ABCA1: variants seen among roughly 807,000 people sequenced by gnomAD.
ABCA1 encodes phospholipid-transporting ATPase ABCA1.
Under a neutral mutation model 262.5 loss-of-function variants are expected in ABCA1, and 133 were observed. The ratio of observed to expected loss-of-function variants is 0.51; its 90% confidence interval spans 0.44 to 0.59. The LOEUF (loss-of-function observed/expected upper bound fraction) is 0.59, where lower values mean the gene tolerates loss of function less well. Ranked by LOEUF, ABCA1 falls within the 20% of genes least tolerant of loss-of-function variation. The probability of loss-of-function intolerance (pLI) is 0.00; values close to 1 mark genes in which losing one functional copy is unlikely to be tolerated. For synonymous variants in ABCA1, 1,022 were observed against 1,043.5 expected (o/e 0.98, Z 0.40); for missense variants, 2,452 against 2,777.5 (o/e 0.88, Z 2.63).
At chr9:104,808,627 C>T (rs1418394449) in intron 30 of ABCA1, among the ~76,000 whole-genome samples, 1 of 152,190 alleles carries the variant, frequency 6.6e-6, no homozygotes, top group Non-Finnish European at 1.5e-5. Context: ...GAAATCTGCT[C>T]TAGAACCTTG....
At chr9:104,893,086 T>A (rs1588527792) in intron 2 of ABCA1, among the ~76,000 whole-genome samples, 1 of 152,268 alleles carries the variant, frequency 6.6e-6, no homozygotes, top group East Asian at 1.9e-4. Flanking sequence ...AAGACAGGAA[T>A]ACAACTTTCC....
At chr9:104,808,450 C>T (rs542872155) in intron 30 of ABCA1, among the ~76,000 whole-genome samples, 24 of 152,308 alleles carry the variant, frequency 1.6e-4, no homozygotes, top group African/African-American at 5.5e-4. Flanking sequence ...ACCATGAAAT[C>T]CAGATAGGCC....
chr9:104,895,157 C>T (rs567612178), intron 2 of ABCA1, among the ~76,000 whole-genome samples: 1 of 152,358 alleles, frequency 6.6e-6, no homozygotes, highest in South Asian at 2.1e-4. Flanking sequence ...GGTGCCTACC[C>T]ACCCAACCCC....
chr9:104,819,908 A>G lies in ABCA1; in HGVS notation c.3103+19T>C. On this transcript the variant is annotated intron_variant, in intron 21 of 49. Coordinates refer to ENST00000374736, the MANE Select transcript of ABCA1 (RefSeq NM_005502.4). ...GAGGAGGAGGGGAGAGGGATAGGGA[A>G]GGTAGCTCTGGGCCGCACCTGACAG... 2 of 1,611,476 alleles carry G rather than the reference A, an allele frequency of 1.2e-6. No homozygotes were observed. The highest frequency in any genetic ancestry group is 1.7e-6 in the Non-Finnish European group (2 of 1,179,882).
intron 15 of ABCA1, among the ~76,000 whole-genome samples, chr9:104,828,680 G>A (rs540204425): frequency 6.6e-6 from 1 of 152,192 alleles, no homozygotes; most frequent in African/African-American, 2.4e-5. Flanking sequence ...TGGAAAGCAT[G>A]AACCCTGCAC....
chr9:104,855,995 T>A (rs757359796), intron 7 of ABCA1: 9 of 1,612,900 alleles, frequency 5.6e-6, no homozygotes, highest in Non-Finnish European at 7.6e-6. Flanking sequence ...TCTCTCCCCA[T>A]CATGTTGGGC....
chr9:104,785,650 GA>G lies in ABCA1; in HGVS notation c.6402-12del. 6.2e-7 allele frequency: 1 copy of G among 1,613,592 alleles called. No individual in the cohort carries two copies. Reference sequence around the variant, plus strand: ...TAACCATCTCCAAACCTGAAAGCAGGAAAAAATACCCAAATGGAGGATCTCC... The same window carrying G: ...TAACCATCTCCAAACCTGAAAGCAGGAAAAATACCCAAATGGAGGATCTCC... On this transcript the variant is annotated splice_polypyrimidine_tract_variant and intron_variant, in intron 48 of 49. Coordinates refer to ENST00000374736, the MANE Select transcript of ABCA1 (RefSeq NM_005502.4).
At chr9:104,867,144 A>T (rs956414450) in intron 5 of ABCA1, among the ~76,000 whole-genome samples, 1 of 152,248 alleles carries the variant, frequency 6.6e-6, no homozygotes, top group Non-Finnish European at 1.5e-5. Context: ...TAAAGAGGAC[A>T]CAAGAGTTCT....
chr9:104,919,529 T>C (rs1842023697), intron 1 of ABCA1, among the ~76,000 whole-genome samples: 1 of 152,120 alleles, frequency 6.6e-6, no homozygotes, highest in Non-Finnish European at 1.5e-5. Context: ...GGAGAACTGC[T>C]TGAATCTGGG....
Position 104,783,785 on chromosome 9 carries a change from T to C in ABCA1, c.*530A>G, listed in dbSNP as rs1052752677. The C allele has an allele frequency of 6.1e-6, 1 of 164,558 alleles. No homozygotes were observed. Among genetic ancestry groups the C allele is most frequent in the South Asian group, 1.6e-4 (1 of 6,156 alleles). 10.2% of individuals were successfully genotyped at this position (164,558 alleles called of 1,614,324 possible). On this transcript the variant is annotated 3_prime_UTR_variant, in exon 50 of 50. Coordinates refer to ENST00000374736, the MANE Select transcript of ABCA1 (RefSeq NM_005502.4). Reference sequence around the variant, plus strand: ...TCACAAAAGTGAGCATGACACACCATGGTGCTTCAAACTTTCTGAAAAACT... The same window carrying C: ...TCACAAAAGTGAGCATGACACACCACGGTGCTTCAAACTTTCTGAAAAACT...
intron 8 of ABCA1, among the ~76,000 whole-genome samples, chr9:104,844,104 C>G (rs1008282512): frequency 2.0e-5 from 3 of 151,826 alleles, no homozygotes; most frequent in Non-Finnish European, 4.4e-5. Flanking sequence ...GGCAGCCTCC[C>G]CTGTTACAGA....
chr9:104,890,437 T>C (rs756785075), intron 2 of ABCA1, among the ~76,000 whole-genome samples: 29 of 152,064 alleles, frequency 1.9e-4, no homozygotes, highest in Non-Finnish European at 4.1e-4. Flanking sequence ...AAAAAGTAGC[T>C]GGGCATAGTG....
intron 14 of ABCA1, 112 bp from the exon 15 acceptor site, chr9:104,829,250 G>C: frequency 1.0e-6 from 1 of 972,898 alleles, no homozygotes; most frequent in Non-Finnish European, 1.6e-6. Context: ...CTGGGCCACA[G>C]AAGGACAGGC....
At chr9:104,811,013 G>GCCCACCTC in intron 28 of ABCA1, 89 bp from the exon 29 acceptor site, 1 of 1,589,356 alleles carries the variant, frequency 6.3e-7, no homozygotes, top group Non-Finnish European at 8.6e-7. Flanking sequence ...TACGAGTCCA[G>GCCCACCTC]CCCACCTCCC....
At position 104,788,581 on chromosome 9, in the gene ABCA1, G is replaced by A. The variant is rs200020572; in HGVS notation, c.5928-14C>T. 16 of 1,614,040 alleles carry A rather than the reference G, an allele frequency of 9.9e-6. No homozygotes were observed. In the African/African-American group the frequency reaches 1.9e-4, roughly 19 times the overall value. ...TTTGATAAGATACTGCAAAGGACAAGAAAACTACTTAGATTTTAAGCAGGT... is the reference window on the plus strand; with the variant it reads ...TTTGATAAGATACTGCAAAGGACAAAAAAACTACTTAGATTTTAAGCAGGT... On this transcript the variant is annotated splice_polypyrimidine_tract_variant and intron_variant, in intron 44 of 49. Coordinates refer to ENST00000374736, the MANE Select transcript of ABCA1 (RefSeq NM_005502.4).
intron 7 of ABCA1, among the ~76,000 whole-genome samples, chr9:104,857,204 G>A (rs10991385): frequency 1.3e-5 from 2 of 152,196 alleles, no homozygotes; most frequent in East Asian, 3.9e-4. Flanking sequence ...CTCGGAGGCT[G>A]AGGCATGAGA....
intron 22 of ABCA1, 31 bp downstream of exon 22, chr9:104,819,555 C>T (rs1490188004): frequency 6.2e-7 from 1 of 1,613,708 alleles, no homozygotes; most frequent in Non-Finnish European, 8.5e-7. Context: ...TCTCTCAGTC[C>T]ATTTACTCAG....
rs1425294470 is a variant in ABCA1 at position 104,782,636 on chromosome 9, C to A, written c.*1679G>T. 6.6e-6 allele frequency: 1 copy of A among 152,012 alleles called. No individual in the cohort carries two copies. The highest frequency in any genetic ancestry group is 1.5e-5 in the Non-Finnish European group (1 of 67,966). 9.4% of individuals were successfully genotyped at this position (152,012 alleles called of 1,614,324 possible). On this transcript the variant is annotated 3_prime_UTR_variant, in exon 50 of 50. Coordinates refer to ENST00000374736, the MANE Select transcript of ABCA1 (RefSeq NM_005502.4). ...AAGTATTTGTTGTTTTTATATTTTT[C>A]TTGACTAGTGATTGAAGAGATGAAA...
intron 8 of ABCA1, among the ~76,000 whole-genome samples, chr9:104,843,928 A>G (rs1224988290): frequency 6.6e-6 from 1 of 152,058 alleles, no homozygotes; most frequent in Non-Finnish European, 1.5e-5. Flanking sequence ...AGGGCACAAG[A>G]AACAGCTGCC....
Sources: gnomAD v4.1 joint callset for allele counts (sites outside exome capture counted in the v4.1 genomes callset) on GRCh38, gnomAD v4.1.1 for gene constraint, MANE v1.5 for transcripts, NCBI Gene and HGNC (gene_info 2026-07-23, HGNC 2026-07-21) for gene names.